Variants in SPECC1 observed in about 807,000 individuals in gnomAD.
The protein encoded by SPECC1 is cytospin-B.
SPECC1 carries 62 observed loss-of-function variants against 104.1 expected under a neutral mutation model. The observed-to-expected ratio is 0.60, with a 90% confidence interval of 0.49 to 0.74. The LOEUF (loss-of-function observed/expected upper bound fraction) is 0.74. Ranked by LOEUF, SPECC1 falls within the 30% of genes least tolerant of loss-of-function variation. The pLI, the probability that SPECC1 is intolerant of heterozygous loss-of-function variation, is 0.00. For missense variants in SPECC1, 1,306 were observed against 1,310.5 expected (o/e 1.00, Z 0.05); for synonymous variants, 513 against 501.6 (o/e 1.02, Z -0.30).
At chr17:20,069,903 A>G (rs1030518467) in intron 1 of SPECC1, among the ~76,000 whole-genome samples, 1 of 152,104 alleles carries the variant, frequency 6.6e-6, no homozygotes, top group Non-Finnish European at 1.5e-5. Flanking sequence ...GTTTCTGAGT[A>G]TATTTGGATT....
chr17:20,253,655 G>C (rs995676593), intron 10 of SPECC1, 69 bp downstream of exon 10: 5 of 1,420,726 alleles, frequency 3.5e-6, no homozygotes, highest in Non-Finnish European at 4.9e-6. Flanking sequence ...TCATTTCTCT[G>C]CATGAAACTG....
chr17:20,234,838 T>C (rs901628531), intron 7 of SPECC1, among the ~76,000 whole-genome samples: 1 of 152,224 alleles, frequency 6.6e-6, no homozygotes, highest in African/African-American at 2.4e-5. Flanking sequence ...CCAGCATTCA[T>C]TGCTGGAACT....
chr17:20,041,620 CTTTTTTT>C (rs35255510), intron 1 of SPECC1, among the ~76,000 whole-genome samples: 1 of 51,150 alleles, frequency 2.0e-5, no homozygotes, highest in South Asian at 1.1e-3. Context: ...TTTGTTGAGG[CTTTTTTT>C]TTTTTTTTTT....
intron 3 of SPECC1, among the ~76,000 whole-genome samples, chr17:20,182,119 C>CTT (rs57991209): frequency 2.2e-5 from 3 of 136,576 alleles, no homozygotes; most frequent in Admixed American, 7.5e-5. Context: ...CTTTCTTTTT[C>CTT]TTTTTTTTTT....
rs193174703 is a variant in SPECC1, at chr17:20,092,200, C to T, written c.-21-4431C>T. Among the ~76,000 whole-genome samples, 226 of 151,830 alleles carry T rather than the reference C, an allele frequency of 1.5e-3. 1 individual carries two copies. The highest frequency in any genetic ancestry group is 3.4e-3 in the Middle Eastern group (1 of 294). ...AAATTTAAAGAAAACACCCCTGGAA[C>T]GACATCCCCCACCCCACCATGGGTG... On this transcript the variant is annotated intron_variant, in intron 1 of 14. Coordinates refer to ENST00000395527, the MANE Select transcript of SPECC1 (RefSeq NM_001243439.2).
At chr17:20,027,643 T>C (rs2044648059) in intron 1 of SPECC1, among the ~76,000 whole-genome samples, 1 of 152,192 alleles carries the variant, frequency 6.6e-6, no homozygotes, top group South Asian at 2.1e-4. Flanking sequence ...CTTCTGCATA[T>C]CGATATCCAG....
intron 1 of SPECC1, among the ~76,000 whole-genome samples, chr17:20,050,892 C>T (rs117394755): frequency 6.6e-6 from 1 of 152,144 alleles, no homozygotes; most frequent in African/African-American, 2.4e-5. Flanking sequence ...AAAACTAATG[C>T]ATACATGAGC....
chr17:20,037,588 C>G (rs60321315), intron 1 of SPECC1, among the ~76,000 whole-genome samples: 2,183 of 152,000 alleles, frequency 0.014, 42 homozygotes, highest in African/African-American at 0.05. Flanking sequence ...AGAGTAACAC[C>G]CACTTCATAA....
intron 14 of SPECC1, among the ~76,000 whole-genome samples, chr17:20,307,675 G>T (rs2041807922): frequency 6.6e-6 from 1 of 152,136 alleles, no homozygotes; most frequent in Admixed American, 6.5e-5. Context: ...CTGTCTCAGA[G>T]TTTAAGAGAC....
At chr17:20,136,810 G>A (rs987541470) in intron 3 of SPECC1, among the ~76,000 whole-genome samples, 1 of 152,112 alleles carries the variant, frequency 6.6e-6, no homozygotes, top group Non-Finnish European at 1.5e-5. Context: ...TCTGGCACTT[G>A]TTTTATGATT....
chr17:20,111,079 G>C, intron 3 of SPECC1, among the ~76,000 whole-genome samples: 1 of 152,136 alleles, frequency 6.6e-6, no homozygotes, highest in East Asian at 1.9e-4. Context: ...TTAAGAATCA[G>C]AAAAGGGTTT....
intron 3 of SPECC1, among the ~76,000 whole-genome samples, chr17:20,142,260 A>G (rs2030902802): frequency 6.6e-6 from 1 of 152,218 alleles, no homozygotes; most frequent in African/African-American, 2.4e-5. Flanking sequence ...AAAGAGTACA[A>G]ACAAAGTAAT....
intron 1 of SPECC1, among the ~76,000 whole-genome samples, chr17:20,030,250 C>T (rs1163635596): frequency 6.6e-6 from 1 of 151,964 alleles, no homozygotes; most frequent in Non-Finnish European, 1.5e-5. Flanking sequence ...ACATGTGTGT[C>T]TTAACTTACC....
Position 20,205,769 on chromosome 17 carries a change from A to G in SPECC1, c.1720A>G (p.Thr574Ala). 2.5e-6 allele frequency: 4 copies of G among 1,614,208 alleles called. No homozygotes were observed. Among genetic ancestry groups the G allele is most frequent in the Non-Finnish European group, 3.4e-6 (4 of 1,180,032 alleles). Reference protein sequence around the residue: ...KATEASAVEQTAESCEVQEML... With the variant: ...KATEASAVEQAAESCEVQEML... ...CACAGAGGCCAGTGCTGTGGAGCAG[A>G]CGGCAGAGAGCTGCGAAGTTCAAGA... The change falls in exon 4 of 15, where the codon ACG (threonine) becomes GCG (alanine). Residue 574 changes from threonine (T) to alanine (A), a missense_variant. By Grantham distance (58) the Thr-to-Ala change is moderately conservative. Transcript: ENST00000395527.
chr17:20,198,516 A>G (rs1023698589), intron 3 of SPECC1, among the ~76,000 whole-genome samples: 3 of 152,210 alleles, frequency 2.0e-5, no homozygotes, highest in Non-Finnish European at 4.4e-5. Flanking sequence ...ATAGTCCTGT[A>G]CATACCTGAC....
chr17:20,164,190 AAG>A (rs1323750158), intron 3 of SPECC1, among the ~76,000 whole-genome samples: 1 of 145,886 alleles, frequency 6.9e-6, no homozygotes, highest in Non-Finnish European at 1.5e-5. Context: ...TTTTTTTTTA[AAG>A]AGACAAAGTC....
chr17:20,260,941 C>T (rs894034292), intron 12 of SPECC1, among the ~76,000 whole-genome samples: 9 of 152,128 alleles, frequency 5.9e-5, no homozygotes, highest in African/African-American at 1.9e-4. Context: ...GTTTAGCATT[C>T]TTCCCTGAGA....
At chr17:20,210,857 G>T (rs1206238607) in intron 4 of SPECC1, among the ~76,000 whole-genome samples, 2 of 152,098 alleles carry the variant, frequency 1.3e-5, no homozygotes, top group African/African-American at 4.8e-5. Flanking sequence ...TCCATGCCAG[G>T]CCTGGCCGGG....
chr17:20,293,670 A>G (rs139725170), intron 12 of SPECC1, among the ~76,000 whole-genome samples: 23 of 152,134 alleles, frequency 1.5e-4, no homozygotes, highest in Admixed American at 5.9e-4. Flanking sequence ...AGACTTGCCC[A>G]TTTCTTCTTG....
Sources: gnomAD v4.1 joint callset for allele counts (sites outside exome capture counted in the v4.1 genomes callset) on GRCh38, gnomAD v4.1.1 for gene constraint, MANE v1.5 for transcripts, NCBI Gene and HGNC (gene_info 2026-07-23, HGNC 2026-07-21) for gene names.